The following KCND3 variants were observed in gnomAD, a reference collection of about 807,000 sequenced individuals.
KCND3 encodes potassium voltage-gated channel subfamily D member 3.
KCND3 carries 9 observed loss-of-function variants against 51.1 expected under a neutral mutation model. That is an observed-to-expected ratio of 0.18 (90% confidence interval 0.11 to 0.31). The LOEUF (loss-of-function observed/expected upper bound fraction) is 0.31. Ranked by LOEUF, KCND3 falls within the 10% of genes least tolerant of loss-of-function variation. The pLI is 1.00. For missense variants in KCND3, 526 were observed against 903.8 expected, an observed-to-expected ratio of 0.58 and a Z score of 5.36; for synonymous variants, 349 against 368.0, an observed-to-expected ratio of 0.95 and a Z score of 0.59.
At chr1:111,986,843 C>T (rs1283661856) in intron 1 of KCND3, among the ~76,000 whole-genome samples, 1 of 152,168 alleles carries the variant, frequency 6.6e-6, no homozygotes, top group Non-Finnish European at 1.5e-5. Flanking sequence ...GTGCTCAGCA[C>T]AGGGCACACA....
intron 2 of KCND3, among the ~76,000 whole-genome samples, chr1:111,883,493 T>C (rs2101744109): frequency 6.6e-6 from 1 of 152,330 alleles, no homozygotes; most frequent in East Asian, 1.9e-4. Flanking sequence ...GCCTCCCTGG[T>C]TGGAATTCAA....
At chr1:111,879,390 C>A (rs552754101) in intron 2 of KCND3, among the ~76,000 whole-genome samples, 1 of 152,128 alleles carries the variant, frequency 6.6e-6, no homozygotes. Flanking sequence ...CTTCCAGGGA[C>A]GACTCAAATG....
chr1:111,944,382 T>C (rs1672678551), intron 2 of KCND3, among the ~76,000 whole-genome samples: 1 of 152,240 alleles, frequency 6.6e-6, no homozygotes, highest in South Asian at 2.1e-4. Flanking sequence ...AATGGTGCCC[T>C]TGATTGCAAC....
At chr1:111,915,491 G>A (rs1049195417) in intron 2 of KCND3, among the ~76,000 whole-genome samples, 1 of 152,168 alleles carries the variant, frequency 6.6e-6, no homozygotes, top group Non-Finnish European at 1.5e-5. Context: ...AGTGGCTCAT[G>A]CCTGTAATCC....
At chr1:111,969,864 T>C (rs557743544) in intron 2 of KCND3, among the ~76,000 whole-genome samples, 232 of 152,264 alleles carry the variant, frequency 1.5e-3, no homozygotes, top group African/African-American at 5.0e-3. Flanking sequence ...GATGACACTT[T>C]CCTGGGGGGA....
intron 2 of KCND3, among the ~76,000 whole-genome samples, chr1:111,796,234 T>G (rs962230197): frequency 1.2e-4 from 19 of 152,258 alleles, no homozygotes; most frequent in African/African-American, 4.1e-4. Flanking sequence ...GCAATTACTT[T>G]CGGCATCTTT....
At chr1:111,935,712 C>T (rs1257050851) in intron 2 of KCND3, among the ~76,000 whole-genome samples, 1 of 152,164 alleles carries the variant, frequency 6.6e-6, no homozygotes, top group Non-Finnish European at 1.5e-5. Flanking sequence ...CAGAACAGAC[C>T]TGTCTCTCCT....
At chr1:111,811,492 C>T (rs1665846223) in intron 2 of KCND3, among the ~76,000 whole-genome samples, 1 of 152,298 alleles carries the variant, frequency 6.6e-6, no homozygotes, top group South Asian at 2.1e-4. Flanking sequence ...CCCTCCCTTA[C>T]CTGGGTGTGG....
chr1:111,861,660 G>T (rs1668344684), intron 2 of KCND3, among the ~76,000 whole-genome samples: 1 of 152,126 alleles, frequency 6.6e-6, no homozygotes, highest in East Asian at 1.9e-4. Flanking sequence ...CCCACTCCCT[G>T]AGGCAGCATT....
intron 2 of KCND3, among the ~76,000 whole-genome samples, chr1:111,871,464 C>G (rs1288930207): frequency 6.6e-6 from 1 of 151,982 alleles, no homozygotes; most frequent in Non-Finnish European, 1.5e-5. Context: ...GCTTGTGTGA[C>G]AGGAAGGACA....
chr1:111,783,220 A>C (rs1037492532), intron 3 of KCND3, among the ~76,000 whole-genome samples: 1 of 146,960 alleles, frequency 6.8e-6, no homozygotes, highest in South Asian at 2.1e-4. Flanking sequence ...AAAAAAAAAA[A>C]GGAGGATGTG....
chr1:111,855,306 C>T (rs1217370795), intron 2 of KCND3, among the ~76,000 whole-genome samples: 6 of 152,222 alleles, frequency 3.9e-5, no homozygotes, highest in Non-Finnish European at 7.3e-5. Flanking sequence ...CTGCCAGCCT[C>T]CCTCCTGAGT....
At chr1:111,896,948 G>A (rs1670141720) in intron 2 of KCND3, among the ~76,000 whole-genome samples, 1 of 152,234 alleles carries the variant, frequency 6.6e-6, no homozygotes, top group Admixed American at 6.5e-5. Flanking sequence ...TGGCACATAG[G>A]AGGGGCTTAG....
intron 2 of KCND3, among the ~76,000 whole-genome samples, chr1:111,817,874 T>G (rs749286464): frequency 2.0e-5 from 3 of 152,212 alleles, no homozygotes; most frequent in African/African-American, 7.2e-5. Flanking sequence ...ACTTAAATAG[T>G]GAAGAGCATG....
chr1:111,821,093 A>G (rs1666326859), intron 2 of KCND3, among the ~76,000 whole-genome samples: 1 of 152,220 alleles, frequency 6.6e-6, no homozygotes, highest in Non-Finnish European at 1.5e-5. Context: ...TATGCTCTTC[A>G]AGGACAGGAT....
rs184701873 is a variant in KCND3 at position 111,902,147 on chromosome 1, C to T, written c.1106+79474G>A. On this transcript the variant is annotated intron_variant, in intron 2 of 7. Coordinates refer to ENST00000302127, the MANE Select transcript of KCND3 (RefSeq NM_001378969.1). ...GCTCCCAGCACCTGGCCAGTGGGTCCGAGATAGGAACGGGGCTCAAATGAC... is the reference window on the plus strand; with the variant it reads ...GCTCCCAGCACCTGGCCAGTGGGTCTGAGATAGGAACGGGGCTCAAATGAC... 1.4e-3 allele frequency among the ~76,000 whole-genome samples: 206 copies of T among 152,278 alleles called. 2 individuals are homozygous for T. Among genetic ancestry groups the T allele is most frequent in the Non-Finnish European group, 1.1e-3 (78 of 68,028 alleles).
chr1:111,801,295 G>A (rs1665296492), intron 2 of KCND3, among the ~76,000 whole-genome samples: 1 of 152,224 alleles, frequency 6.6e-6, no homozygotes, highest in South Asian at 2.1e-4. Context: ...GCCAGAGTCA[G>A]ACACCTTTAT....
chr1:111,779,468 G>C (rs980942710), intron 5 of KCND3, among the ~76,000 whole-genome samples: 1 of 152,166 alleles, frequency 6.6e-6, no homozygotes, highest in Non-Finnish European at 1.5e-5. Flanking sequence ...GAGCAGGAAG[G>C]CTTTCACTTT....
chr1:111,964,142 G>T (rs976253642), intron 2 of KCND3, among the ~76,000 whole-genome samples: 2 of 152,200 alleles, frequency 1.3e-5, no homozygotes, highest in Non-Finnish European at 2.9e-5. Context: ...TCCCAGCCAG[G>T]GCCAGGCAGG....
Sources: gnomAD v4.1 joint callset for allele counts (sites outside exome capture counted in the v4.1 genomes callset) on GRCh38, gnomAD v4.1.1 for gene constraint, MANE v1.5 for transcripts, NCBI Gene and HGNC (gene_info 2026-07-23, HGNC 2026-07-21) for gene names.